RPP30: variants seen among roughly 807,000 people sequenced by gnomAD.
RPP30 encodes ribonuclease P/MRP subunit p30.
Under a neutral mutation model 38.6 loss-of-function variants are expected in RPP30, and 36 were observed. The observed-to-expected ratio is 0.93, with a 90% CI of 0.71 to 1.23. The LOEUF (loss-of-function observed/expected upper bound fraction) is 1.23, where lower values mean the gene tolerates loss of function less well. Ranked by LOEUF, RPP30 falls within the 50% of genes most tolerant of loss-of-function variation. The pLI, the probability that RPP30 is intolerant of heterozygous loss-of-function variation, is 0.00. For synonymous variants in RPP30, 126 were observed against 112.7 expected (o/e 1.12, Z -0.75); for missense variants, 321 against 321.7 (o/e 1.00, Z 0.02).
chr10:90,906,675 G>A (rs576093368), downstream of RPP30, among the ~76,000 whole-genome samples: 2 of 152,302 alleles, frequency 1.3e-5, no homozygotes, highest in African/African-American at 2.4e-5. Context: ...AGAAGTAATG[G>A]TGACCTGAAC....
intron 5 of RPP30, among the ~76,000 whole-genome samples, chr10:90,880,726 A>T (rs199547475): frequency 4.0e-5 from 6 of 151,144 alleles, no homozygotes; most frequent in Non-Finnish European, 8.8e-5. Context: ...TCTCAAAAAA[A>T]TTTTTTTTAA....
intron 4 of RPP30, among the ~76,000 whole-genome samples, chr10:90,878,311 T>G (rs1234471935): frequency 6.6e-6 from 1 of 152,134 alleles, no homozygotes; most frequent in Non-Finnish European, 1.5e-5. Flanking sequence ...TTTATTATAC[T>G]TTTTCTTTTT....
chr10:90,872,241 C>G (rs879053938), intron 1 of RPP30, 173 bp downstream of exon 1: 2 of 627,310 alleles, frequency 3.2e-6, no homozygotes, highest in South Asian at 3.8e-5. Context: ...GCGGGAAACT[C>G]GAAGGTTCTG....
intron 3 of RPP30, 87 bp downstream of exon 3, chr10:90,875,701 G>A (rs1846842527): frequency 7.1e-6 from 8 of 1,132,976 alleles, no homozygotes; most frequent in Admixed American, 3.4e-5. Flanking sequence ...AGCTTGAGCT[G>A]CACCTTACTC....
chr10:90,908,050 C>T (rs7903584), downstream of RPP30, among the ~76,000 whole-genome samples: 36,291 of 152,052 alleles, frequency 0.24, 4,621 homozygotes, highest in African/African-American at 0.34. Flanking sequence ...CTGTAGGCAA[C>T]TATAACACAG....
At chr10:90,886,979 A>G (rs574509846) in intron 6 of RPP30, among the ~76,000 whole-genome samples, 61 of 152,164 alleles carry the variant, frequency 4.0e-4, no homozygotes, top group African/African-American at 1.4e-3. Context: ...TAGTAGTAGT[A>G]GTAGTAGAGA....
downstream of RPP30, among the ~76,000 whole-genome samples, chr10:90,904,692 A>C (rs529151970): frequency 3.9e-5 from 6 of 152,252 alleles, no homozygotes; most frequent in African/African-American, 1.4e-4. Context: ...CATGACTGTA[A>C]TCCCTGCTAC....
chr10:90,903,156 G>C, downstream of RPP30: 1 of 1,160,270 alleles, frequency 8.6e-7, no homozygotes, highest in Non-Finnish European at 1.3e-6. Context: ...CACTTGGATT[G>C]CTTCACTAAT....
At chr10:90,899,329 A>G (rs1353492110) in intron 10 of RPP30, among the ~76,000 whole-genome samples, 1 of 152,254 alleles carries the variant, frequency 6.6e-6, no homozygotes, top group African/African-American at 2.4e-5. Context: ...AATAATTGGC[A>G]GAGTAGATTT....
At chr10:90,891,405 C>G (rs1847080317) in intron 6 of RPP30, among the ~76,000 whole-genome samples, 1 of 152,186 alleles carries the variant, frequency 6.6e-6, no homozygotes, top group Non-Finnish European at 1.5e-5. Flanking sequence ...TCCAATCTGA[C>G]TTCATCTTAA....
intron 6 of RPP30, among the ~76,000 whole-genome samples, chr10:90,893,500 T>C (rs1847106115): frequency 6.6e-6 from 1 of 152,232 alleles, no homozygotes; most frequent in African/African-American, 2.4e-5. Flanking sequence ...TTATCATCTC[T>C]ATGCTGAAAA....
chr10:90,900,433 A>T, intron 10 of RPP30, 137 bp from the exon 11 acceptor site: 1 of 749,676 alleles, frequency 1.3e-6, no homozygotes, highest in Non-Finnish European at 2.1e-6. Context: ...TAATGACGGT[A>T]AATGGCACTA....
rs1177344458 is a variant in RPP30, at chr10:90,900,797, T to G, written c.*118T>G. On this transcript the variant is annotated 3_prime_UTR_variant, in exon 11 of 11. Transcript: ENST00000371703. The stretch of plus-strand genomic sequence containing the variant: ...TTCATTTGGAGCTAGAAATCAATAG[T>G]CTATAAAAACAGTTTTACTTGCAAT... The G allele has an allele frequency of 4.9e-6, 7 of 1,426,760 alleles. No homozygotes were observed. The highest frequency in any genetic ancestry group is 1.8e-4 in the Middle Eastern group (1 of 5,426). 88.4% of individuals were successfully genotyped at this position (1,426,760 alleles called of 1,614,324 possible).
chr10:90,872,932 T>A (rs1846801768), intron 1 of RPP30, among the ~76,000 whole-genome samples: 1 of 152,226 alleles, frequency 6.6e-6, no homozygotes, highest in African/African-American at 2.4e-5. Flanking sequence ...ATCTCTGTGG[T>A]ACTTTGCTCA....
intron 6 of RPP30, 89 bp downstream of exon 6, chr10:90,885,990 G>A (rs1198582364): frequency 1.0e-5 from 9 of 867,590 alleles, no homozygotes; most frequent in South Asian, 3.6e-5. Flanking sequence ...GTTCTTAGAA[G>A]GAAAAACAAA....
intron 5 of RPP30, among the ~76,000 whole-genome samples, chr10:90,881,874 A>AT (rs1846931710): frequency 9.2e-5 from 14 of 152,314 alleles, no homozygotes; most frequent in African/African-American, 3.4e-4. Context: ...AAGCATACAC[A>AT]CACAGACAGA....
chr10:90,895,864 G>C lies in RPP30; in HGVS notation c.580-16G>C. 1.9e-6 allele frequency: 3 copies of C among 1,575,012 alleles called. No homozygotes were observed. Among genetic ancestry groups the C allele is most frequent in the Non-Finnish European group, 2.6e-6 (3 of 1,153,132 alleles). ...AATAATTTTCTCATATCTACTCTTT[G>C]TTCATTTTATTTCAGCCTTTAGAAA... On this transcript the variant is annotated splice_polypyrimidine_tract_variant and intron_variant, in intron 8 of 10. Coordinates refer to ENST00000371703, the MANE Select transcript of RPP30 (RefSeq NM_006413.5).
intron 5 of RPP30, among the ~76,000 whole-genome samples, chr10:90,883,275 TA>T (rs771440160): frequency 7.4e-6 from 1 of 135,388 alleles, no homozygotes; most frequent in Non-Finnish European, 1.6e-5. Flanking sequence ...TAAATTGTCA[TA>T]GGAGTCTCTG....
chr10:90,907,441 A>G (rs1847265609), downstream of RPP30, among the ~76,000 whole-genome samples: 1 of 152,212 alleles, frequency 6.6e-6, no homozygotes, highest in Non-Finnish European at 1.5e-5. Context: ...AGGTACAAAA[A>G]TATTTCAAAC....
Sources: gnomAD v4.1 joint callset for allele counts (sites outside exome capture counted in the v4.1 genomes callset) on GRCh38, gnomAD v4.1.1 for gene constraint, MANE v1.5 for transcripts, NCBI Gene and HGNC (gene_info 2026-07-23, HGNC 2026-07-21) for gene names.